The following PDZD2 variants were observed in gnomAD, a reference collection of about 807,000 sequenced individuals.
The protein encoded by PDZD2 is PDZ domain containing 2.
PDZD2 carries 90 observed loss-of-function variants against 220.7 expected under a neutral mutation model. The ratio of observed to expected loss-of-function variants is 0.41; its 90% confidence interval spans 0.34 to 0.49. The LOEUF (loss-of-function observed/expected upper bound fraction) is 0.49, where lower values mean the gene tolerates loss of function less well. PDZD2 is among the 20% of genes least tolerant of loss of function. The pLI, the probability that PDZD2 is intolerant of heterozygous loss-of-function variation, is 0.28. For synonymous variants in PDZD2, 1,375 were observed against 1,450.5 expected, an observed-to-expected ratio of 0.95 and a Z score of 1.18; for missense variants, 3,174 against 3,608.5, an observed-to-expected ratio of 0.88 and a Z score of 3.08.
At chr5:31,825,267 C>T (rs114869752) in intron 2 of PDZD2, among the ~76,000 whole-genome samples, 1,672 of 152,274 alleles carry the variant, frequency 0.011, 19 homozygotes, top group African/African-American at 0.038. Flanking sequence ...GCCACATGCC[C>T]GTACTACAGT....
At chr5:31,908,442 A>G in intron 2 of PDZD2, 1 of 612,454 alleles carries the variant, frequency 1.6e-6, no homozygotes, top group Non-Finnish European at 2.8e-6. Flanking sequence ...TGTGCGTGGA[A>G]GTGGAGGCGA....
chr5:31,656,571 A>G (rs1745558456), intron 1 of PDZD2, among the ~76,000 whole-genome samples: 1 of 152,150 alleles, frequency 6.6e-6, no homozygotes, highest in Non-Finnish European at 1.5e-5. Flanking sequence ...GCCGAGGGGA[A>G]GGGATGTCAC....
chr5:31,866,157 C>T (rs950191441), intron 2 of PDZD2, among the ~76,000 whole-genome samples: 1 of 151,926 alleles, frequency 6.6e-6, no homozygotes, highest in Admixed American at 6.6e-5. Flanking sequence ...GGCCGTCACA[C>T]CTGGCTAATT....
chr5:31,835,603 G>T (rs1196566551), intron 2 of PDZD2, among the ~76,000 whole-genome samples: 1 of 145,208 alleles, frequency 6.9e-6, no homozygotes, highest in East Asian at 2.0e-4. Context: ...GGCAACAATA[G>T]TGACACTCCA....
rs1452433033 is a variant in PDZD2, at chr5:32,110,207, T to C, written c.*2072T>C. 1 of 152,662 alleles carries C rather than the reference T, an allele frequency of 6.6e-6. No individual in the cohort carries two copies. The highest frequency in any genetic ancestry group is 1.5e-5 in the Non-Finnish European group (1 of 68,036). The allele number at this position is 152,662 out of a possible 1,614,324, so 9.5% of individuals were successfully genotyped here. Reference sequence around the variant, plus strand: ...TAATTAATAAACGCACAGCCCTATGTGAACAGACAGGAATTTCTTGTGCAA... The same window carrying C: ...TAATTAATAAACGCACAGCCCTATGCGAACAGACAGGAATTTCTTGTGCAA... On this transcript the variant is annotated 3_prime_UTR_variant, in exon 25 of 25. Coordinates refer to ENST00000438447, the MANE Select transcript of PDZD2 (RefSeq NM_178140.4).
At chr5:31,727,957 C>T (rs1466659442) in intron 1 of PDZD2, among the ~76,000 whole-genome samples, 35 of 146,380 alleles carry the variant, frequency 2.4e-4, no homozygotes, top group Admixed American at 1.3e-3. Context: ...GAGCCAAGAT[C>T]GCACCACTGC....
intron 1 of PDZD2, among the ~76,000 whole-genome samples, chr5:31,710,058 G>C (rs1748016686): frequency 6.6e-6 from 1 of 152,228 alleles, no homozygotes; most frequent in South Asian, 2.1e-4. Context: ...CCCTGACTCT[G>C]TTCCTATGTT....
chr5:32,078,222 G>A (rs1433730074), intron 19 of PDZD2, among the ~76,000 whole-genome samples: 1 of 152,108 alleles, frequency 6.6e-6, no homozygotes, highest in Non-Finnish European at 1.5e-5. Flanking sequence ...GAAATCAAAT[G>A]CACTGAGAAA....
intron 1 of PDZD2, among the ~76,000 whole-genome samples, chr5:31,766,151 G>C (rs1237366670): frequency 6.6e-6 from 1 of 152,186 alleles, no homozygotes; most frequent in Non-Finnish European, 1.5e-5. Context: ...TTGCACTCCA[G>C]CCTAGGCAAC....
chr5:31,671,144 T>C (rs1345772497), intron 1 of PDZD2, among the ~76,000 whole-genome samples: 1 of 152,090 alleles, frequency 6.6e-6, no homozygotes, highest in Non-Finnish European at 1.5e-5. Context: ...CTCGAGGAAC[T>C]CTCAGTCCTG....
At chr5:31,754,815 G>A (rs1024125646) in intron 1 of PDZD2, among the ~76,000 whole-genome samples, 4 of 152,168 alleles carry the variant, frequency 2.6e-5, no homozygotes, top group Non-Finnish European at 5.9e-5. Flanking sequence ...ACAGGACCAC[G>A]AAAGTCCCTT....
chr5:31,692,295 G>A (rs891043134), intron 1 of PDZD2, among the ~76,000 whole-genome samples: 51 of 152,188 alleles, frequency 3.4e-4, no homozygotes, highest in African/African-American at 1.2e-3. Context: ...CTCGGAACTT[G>A]CGCTGGCCCG....
chr5:31,663,863 G>A (rs1420354389), intron 1 of PDZD2, among the ~76,000 whole-genome samples: 11 of 152,264 alleles, frequency 7.2e-5, no homozygotes, highest in African/African-American at 2.6e-4. Context: ...GGGTGTGTGT[G>A]TGTGTGTGTG....
chr5:31,919,865 T>TTC lies in PDZD2; in HGVS notation c.477-63289_477-63288insCT, dbSNP rs1744052031. Among the ~76,000 whole-genome samples, 29 of 151,376 alleles carry TTC rather than the reference T, an allele frequency of 1.9e-4. No individual in the cohort carries two copies. In the South Asian group the frequency reaches 6.1e-3, roughly 32 times the overall value. On this transcript the variant is annotated intron_variant, in intron 2 of 24. Transcript: ENST00000438447. ...ACCTGTCTCTAAAAAACAATTTTTT[T>TTC]TTTTATGAACCAGGCGTGGTGGTGT...
intron 2 of PDZD2, among the ~76,000 whole-genome samples, chr5:31,894,465 T>C (rs1298524124): frequency 6.6e-6 from 1 of 152,070 alleles, no homozygotes; most frequent in Non-Finnish European, 1.5e-5. Flanking sequence ...CTTGATGTTT[T>C]TTTCCCTTCC....
intron 2 of PDZD2, chr5:31,854,944 C>T (rs919180873): frequency 5.8e-5 from 57 of 984,652 alleles, no homozygotes; most frequent in East Asian, 1.1e-4. Context: ...GACCTGGAGC[C>T]GGCGGAGAGC....
At chr5:32,008,349 C>T (rs1420266345) in intron 5 of PDZD2, among the ~76,000 whole-genome samples, 2 of 147,492 alleles carry the variant, frequency 1.4e-5, no homozygotes, top group Non-Finnish European at 3.0e-5. Flanking sequence ...GCTACAGTCT[C>T]AGCTGACTGC....
intron 2 of PDZD2, among the ~76,000 whole-genome samples, chr5:31,863,216 TCTC>T (rs1737889920): frequency 6.6e-6 from 1 of 152,206 alleles, no homozygotes; most frequent in African/African-American, 2.4e-5. Flanking sequence ...TTCTGTTTCT[TCTC>T]CATCTTCTTG....
chr5:32,099,289 C>G (rs140270553), intron 23 of PDZD2: 1 of 152,244 alleles, frequency 6.6e-6, no homozygotes, highest in Non-Finnish European at 1.5e-5. Flanking sequence ...TCAGGGGTGA[C>G]GTCTTTTTTT....
Sources: gnomAD v4.1 joint callset for allele counts (sites outside exome capture counted in the v4.1 genomes callset) on GRCh38, gnomAD v4.1.1 for gene constraint, MANE v1.5 for transcripts, NCBI Gene and HGNC (gene_info 2026-07-23, HGNC 2026-07-21) for gene names.